OSBPL2: variants seen among roughly 807,000 people sequenced by gnomAD.
OSBPL2 encodes oxysterol-binding protein-related protein 2.
OSBPL2 carries 18 observed loss-of-function variants against 58.4 expected under a neutral mutation model. The ratio of observed to expected loss-of-function variants is 0.31; its 90% confidence interval spans 0.21 to 0.46. The LOEUF is 0.46. OSBPL2 is among the 20% of genes least tolerant of loss of function. The probability of loss-of-function intolerance (pLI) is 1.00; values close to 1 mark genes in which losing one functional copy is unlikely to be tolerated. For missense variants in OSBPL2, 461 were observed against 616.5 expected, an observed-to-expected ratio of 0.75 and a Z score of 2.67; for synonymous variants, 221 against 234.1, an observed-to-expected ratio of 0.94 and a Z score of 0.51.
At chr20:62,262,429 G>C (rs139381854) in intron 3 of OSBPL2, among the ~76,000 whole-genome samples, 1 of 152,162 alleles carries the variant, frequency 6.6e-6, no homozygotes, top group African/African-American at 2.4e-5. Context: ...ATGCAGGGTC[G>C]TATCCTTGGG....
chr20:62,239,938 C>T (rs764393355), intron 1 of OSBPL2, among the ~76,000 whole-genome samples: 6 of 152,208 alleles, frequency 3.9e-5, no homozygotes, highest in Non-Finnish European at 8.8e-5. Context: ...CTGCCACCTC[C>T]GTCTCCCGGC....
intron 3 of OSBPL2, among the ~76,000 whole-genome samples, chr20:62,263,298 G>A (rs975082158): frequency 6.6e-6 from 1 of 152,190 alleles, no homozygotes; most frequent in Non-Finnish European, 1.5e-5. Context: ...GAAGGCTGTG[G>A]GCTCTGCGGG....
chr20:62,253,841 G>A (rs1980740342), intron 1 of OSBPL2, among the ~76,000 whole-genome samples: 1 of 151,950 alleles, frequency 6.6e-6, no homozygotes, highest in South Asian at 2.1e-4. Flanking sequence ...GCCCAGGCTG[G>A]AGTGCAGGGG....
chr20:62,289,056 A>G, intron 11 of OSBPL2, 151 bp from the exon 12 acceptor site: 1 of 750,816 alleles, frequency 1.3e-6, no homozygotes, highest in Non-Finnish European at 2.2e-6. Context: ...GAGGCATTGA[A>G]TTTGCAGGTG....
chr20:62,271,010 G>C (rs1421496278), intron 4 of OSBPL2, among the ~76,000 whole-genome samples: 1 of 149,834 alleles, frequency 6.7e-6, no homozygotes, highest in African/African-American at 2.5e-5. Context: ...GGCCTCTCTG[G>C]GTCCTTTCCT....
intron 6 of OSBPL2, among the ~76,000 whole-genome samples, chr20:62,275,240 T>G (rs1568843908): frequency 1.3e-5 from 2 of 152,218 alleles, no homozygotes; most frequent in African/African-American, 2.4e-5. Context: ...TTGTTAGACT[T>G]TCTTTTGTGT....
chr20:62,291,360 C>T (rs989105170), intron 12 of OSBPL2: 9 of 374,754 alleles, frequency 2.4e-5, no homozygotes, highest in South Asian at 4.2e-5. Flanking sequence ...GCTGGCTCCC[C>T]GTCCTGAGCG....
intron 1 of OSBPL2, 118 bp downstream of exon 1, chr20:62,238,715 C>T (rs866893819): frequency 1.3e-5 from 2 of 150,116 alleles, no homozygotes; most frequent in Admixed American, 6.6e-5. Flanking sequence ...GGGCAGGACC[C>T]GGGTCCGCAG....
intron 6 of OSBPL2, chr20:62,278,817 G>A (rs71323578): frequency 3.9e-5 from 9 of 230,198 alleles, no homozygotes; most frequent in East Asian, 1.2e-4. Context: ...GTGCGATATC[G>A]TGTTTGTGTG....
intron 9 of OSBPL2, 22 bp from the exon 10 acceptor site, chr20:62,284,024 T>TAA: frequency 6.2e-7 from 1 of 1,605,804 alleles, no homozygotes; most frequent in Non-Finnish European, 8.5e-7. Context: ...GACTTGTCTT[T>TAA]AAAAATCCCA....
intron 3 of OSBPL2, among the ~76,000 whole-genome samples, chr20:62,261,117 A>C (rs1441125565): frequency 6.6e-6 from 1 of 151,956 alleles, no homozygotes; most frequent in Non-Finnish European, 1.5e-5. Flanking sequence ...GGAGATTGAG[A>C]CCATCCTGGC....
chr20:62,283,460 T>C (rs992744450), intron 9 of OSBPL2, among the ~76,000 whole-genome samples: 2 of 152,162 alleles, frequency 1.3e-5, no homozygotes, highest in Non-Finnish European at 2.9e-5. Context: ...TCTGGCACTA[T>C]TTGGCTTCAT....
At chr20:62,243,425 GCCTGCCCCGCAGCC>G (rs200281102) in intron 1 of OSBPL2, among the ~76,000 whole-genome samples, 4,554 of 151,820 alleles carry the variant, frequency 0.03, 208 homozygotes, top group African/African-American at 0.1. Context: ...GAGCCCTAGC[GCCTGCCCCGCAGCC>G]CCTGCCCCGC....
chr20:62,273,993 G>T (rs1982232532), intron 6 of OSBPL2, among the ~76,000 whole-genome samples: 1 of 152,130 alleles, frequency 6.6e-6, no homozygotes, highest in Admixed American at 6.6e-5. Flanking sequence ...CTTTCTTCTA[G>T]GCAGCGTTGC....
chr20:62,243,809 AAATG>A (rs1979900334), intron 1 of OSBPL2, among the ~76,000 whole-genome samples: 2 of 151,492 alleles, frequency 1.3e-5, no homozygotes, highest in African/African-American at 2.4e-5. Flanking sequence ...CTGGGGAAAA[AAATG>A]AACGAAAAAT....
In OSBPL2 at chr20:62,269,840, T is replaced by G. The variant is rs1861796088; in HGVS notation, c.259-2285T>G. On this transcript the variant is annotated intron_variant, in intron 4 of 13. Transcript: ENST00000313733. The surrounding 1 kb of genome is among the most constrained non-coding windows in gnomAD (Gnocchi z 4.2). ...GGCAGCCACATTCCCTTGTGCAGTCTTGGCCACACCCATGTGCCGGGGCTG... is the reference window on the plus strand; with the variant it reads ...GGCAGCCACATTCCCTTGTGCAGTCGTGGCCACACCCATGTGCCGGGGCTG... Among the ~76,000 whole-genome samples, 1 of 152,256 alleles carries G rather than the reference T, an allele frequency of 6.6e-6. No homozygotes were observed. The highest frequency in any genetic ancestry group is 2.4e-5 in the African/African-American group (1 of 41,472).
At chr20:62,281,941 C>A in intron 9 of OSBPL2, 62 bp downstream of exon 9, 1 of 1,120,970 alleles carries the variant, frequency 8.9e-7, no homozygotes, top group Non-Finnish European at 1.4e-6. Context: ...GTTAGAAGGG[C>A]TCAGGTGCTC....
At chr20:62,244,155 G>C (rs959243135) in intron 1 of OSBPL2, among the ~76,000 whole-genome samples, 1 of 152,186 alleles carries the variant, frequency 6.6e-6, no homozygotes, top group South Asian at 2.1e-4. Context: ...CCTGGGGAAG[G>C]CCGGGAGCCC....
chr20:62,289,389 G>T, intron 12 of OSBPL2, 59 bp downstream of exon 12: 1 of 1,580,068 alleles, frequency 6.3e-7, no homozygotes, highest in South Asian at 1.1e-5. Flanking sequence ...GCTAGGGTGG[G>T]AGAGCACAAA....
Sources: gnomAD v4.1 joint callset for allele counts (sites outside exome capture counted in the v4.1 genomes callset) on GRCh38, gnomAD v4.1.1 for gene constraint, Gnocchi (gnomAD v3.1) non-coding constraint, MANE v1.5 for transcripts, NCBI Gene and HGNC (gene_info 2026-07-23, HGNC 2026-07-21) for gene names.